KIF24: variants seen among roughly 807,000 people sequenced by gnomAD.
KIF24 encodes kinesin-like protein KIF24.
A neutral mutation model predicts 118.9 loss-of-function variants in KIF24; 81 were observed. The ratio of observed to expected loss-of-function variants is 0.68; its 90% CI spans 0.57 to 0.82. The LOEUF (loss-of-function observed/expected upper bound fraction) is 0.82, where lower values mean the gene tolerates loss of function less well. Ranked by LOEUF, KIF24 falls within the 40% of genes least tolerant of loss-of-function variation. The pLI is 0.00. For missense variants in KIF24, 1,560 were observed against 1,661.6 expected, an observed-to-expected ratio of 0.94 and a Z score of 1.06; for synonymous variants, 599 against 610.0, an observed-to-expected ratio of 0.98 and a Z score of 0.27.
In KIF24 at chr9:34,311,259, C is replaced by T. The variant is rs764320044; in HGVS notation, c.88G>A (p.Asp30Asn). 6.2e-6 allele frequency: 10 copies of T among 1,611,638 alleles called. No homozygotes were observed. In the African/African-American group the frequency reaches 1.3e-4, roughly 22 times the overall value. ...HFTALGLQKI[D>N]ELAKITMKDY... ...TTCATTGTAATCTTGGCTAATTCAT[C>T]TATTTTCTGAAGGCCAAGGGCAGTG... The change falls in exon 2 of 13, where the codon GAT becomes AAT. Residue 30 changes from aspartate to asparagine, a missense_variant. Asp to Asn is a conservative substitution (Grantham distance 23, BLOSUM62 1). This residue lies in a region of KIF24 where 964 missense variants were observed against 988.0 expected (regional missense o/e 0.98). Coordinates refer to ENST00000402558, the MANE Select transcript of KIF24 (RefSeq NM_194313.4).
intron 8 of KIF24, 25 bp from the exon 9 acceptor site, chr9:34,263,197 T>A: frequency 6.3e-7 from 1 of 1,579,074 alleles, no homozygotes. Context: ...AACAAGCACA[T>A]CAAGTATCAA....
At chr9:34,307,589 G>A (rs1448536742) in intron 2 of KIF24, among the ~76,000 whole-genome samples, 1 of 152,180 alleles carries the variant, frequency 6.6e-6, no homozygotes, top group East Asian at 1.9e-4. Context: ...CCATTTTGAG[G>A]TACTGTGGGA....
rs765328782 is a variant in KIF24, at chr9:34,282,228, C to T, written c.1215+4389G>A. ...AAAAGGAATGAAGTCCTGATACATG[C>T]TGCAACATGAATGAACTCTGAAAAT... On this transcript the variant is annotated intron_variant, in intron 6 of 12. Transcript: ENST00000402558. Among the ~76,000 whole-genome samples, 3 of 152,124 alleles carry T rather than the reference C, an allele frequency of 2.0e-5. No individual in the cohort carries two copies. The East Asian group carries it at 5.8e-4, about 29-fold the overall frequency.
intron 6 of KIF24, among the ~76,000 whole-genome samples, chr9:34,275,882 T>C (rs1255281615): frequency 6.6e-6 from 1 of 152,172 alleles, no homozygotes; most frequent in Non-Finnish European, 1.5e-5. Flanking sequence ...AGCCTAATGT[T>C]AGGCGAATAC....
intron 1 of KIF24, among the ~76,000 whole-genome samples, chr9:34,324,246 C>T (rs148877879): frequency 6.8e-4 from 104 of 152,286 alleles, no homozygotes; most frequent in Non-Finnish European, 1.4e-3. Flanking sequence ...TCTCCACAGT[C>T]GAGCATCTGA....
intron 4 of KIF24, among the ~76,000 whole-genome samples, chr9:34,293,700 C>G (rs564594014): frequency 2.2e-4 from 33 of 152,144 alleles, no homozygotes; most frequent in Non-Finnish European, 4.1e-4. Context: ...GGCGTGAACC[C>G]AGGAGGCGGA....
At chr9:34,288,782 G>A (rs1836143924) in intron 5 of KIF24, among the ~76,000 whole-genome samples, 2 of 149,878 alleles carry the variant, frequency 1.3e-5, no homozygotes, top group Admixed American at 1.3e-4. Flanking sequence ...AAATAATCTG[G>A]GCAATTCATT....
At chr9:34,327,846 A>AAAAAT (rs1554668267) in intron 1 of KIF24, among the ~76,000 whole-genome samples, 19 of 149,694 alleles carry the variant, frequency 1.3e-4, no homozygotes, top group South Asian at 2.1e-4. Context: ...AATAAAAAAA[A>AAAAAT]AATAATAATA....
intron 1 of KIF24, among the ~76,000 whole-genome samples, chr9:34,323,327 A>C (rs560433375): frequency 3.3e-5 from 5 of 152,250 alleles, no homozygotes; most frequent in Admixed American, 6.5e-5. Context: ...AATTCCCCTC[A>C]AGAGCCCCAC....
chr9:34,306,610 G>A (rs1836930748), intron 2 of KIF24, among the ~76,000 whole-genome samples, 169 bp from the exon 3 acceptor site: 1 of 152,128 alleles, frequency 6.6e-6, no homozygotes, highest in Non-Finnish European at 1.5e-5. Flanking sequence ...AGACCATCCT[G>A]GCTAACACGG....
chr9:34,301,779 G>C (rs1425012980), intron 3 of KIF24, among the ~76,000 whole-genome samples: 1 of 152,018 alleles, frequency 6.6e-6, no homozygotes, highest in African/African-American at 2.4e-5. Flanking sequence ...TGAGGCTGCA[G>C]TGTGCCATGA....
chr9:34,319,666 T>G (rs1302459382), intron 1 of KIF24: 2 of 803,540 alleles, frequency 2.5e-6, no homozygotes, highest in Admixed American at 1.8e-5. Flanking sequence ...GGCCTCAGGG[T>G]GCACACAGGA....
chr9:34,293,603 G>T (rs1391927304), intron 4 of KIF24, among the ~76,000 whole-genome samples: 1 of 151,838 alleles, frequency 6.6e-6, no homozygotes, highest in African/African-American at 2.4e-5. Flanking sequence ...TGAAACCCCC[G>T]TCTCTACTAA....
chr9:34,254,933 A>T, intron 12 of KIF24, 139 bp downstream of exon 12: 1 of 623,180 alleles, frequency 1.6e-6, no homozygotes, highest in Non-Finnish European at 2.9e-6. Context: ...TGGCAAGAGG[A>T]GGTGTGAGGC....
chr9:34,319,487 C>T lies in KIF24; in HGVS notation c.-25-8116G>A, dbSNP rs1837445362. On this transcript the variant is annotated intron_variant, in intron 1 of 12. Coordinates refer to ENST00000402558, the MANE Select transcript of KIF24 (RefSeq NM_194313.4). ...CCGCCTTTGAGTTGGACACAGACGG[C>T]AACTCCTTTGACCAGGACATCTATG... 2.3e-6 allele frequency: 3 copies of T among 1,289,352 alleles called. No homozygotes were observed. The South Asian group carries it at 3.7e-5, about 16-fold the overall frequency. The allele number at this position is 1,289,352 out of a possible 1,614,324, so 79.9% of individuals were successfully genotyped here. A position where few individuals can be genotyped will look rare whatever the true frequency, so the allele number is the denominator to read the frequency against.
At chr9:34,269,201 T>C in intron 8 of KIF24, 56 bp downstream of exon 8, 1 of 966,006 alleles carries the variant, frequency 1.0e-6, no homozygotes, top group East Asian at 2.6e-5. Flanking sequence ...TCTGCCTGTA[T>C]GTAATGGGCA....
intron 8 of KIF24, among the ~76,000 whole-genome samples, chr9:34,266,892 T>C (rs572534106): frequency 1.7e-4 from 26 of 152,132 alleles, no homozygotes; most frequent in African/African-American, 6.3e-4. Flanking sequence ...TGGCTAAATA[T>C]GTTGAATTTA....
At chr9:34,286,766 C>T in intron 5 of KIF24, 62 bp from the exon 6 acceptor site, 2 of 1,101,364 alleles carry the variant, frequency 1.8e-6, no homozygotes. Flanking sequence ...GTTCTTGCCT[C>T]CCCAGAAACC....
intron 1 of KIF24, among the ~76,000 whole-genome samples, chr9:34,325,021 G>C (rs1331426714): frequency 1.3e-5 from 2 of 151,954 alleles, no homozygotes; most frequent in Non-Finnish European, 2.9e-5. Flanking sequence ...TCCCCTAATA[G>C]AGTATAATTT....
Sources: allele counts gnomAD v4.1 joint callset (sites outside exome capture counted in the v4.1 genomes callset), GRCh38; gene constraint gnomAD v4.1.1; regional missense constraint gnomAD v4.1.1; transcripts MANE v1.5; gene names NCBI Gene and HGNC (gene_info 2026-07-23, HGNC 2026-07-21).